ARHGAP10: variants seen among roughly 807,000 people sequenced by gnomAD.
ARHGAP10 encodes the protein rho GTPase-activating protein 10.
Under a neutral mutation model 108.6 loss-of-function variants are expected in ARHGAP10, and 87 were observed. The observed-to-expected ratio is 0.80, with a 90% CI of 0.67 to 0.96. The LOEUF (loss-of-function observed/expected upper bound fraction) is 0.96, where lower values mean the gene tolerates loss of function less well. Among genes scored for constraint, ARHGAP10 ranks in the 40% least tolerant of loss-of-function variants. ARHGAP10 has a pLI of 0.00. For missense variants in ARHGAP10, 939 were observed against 954.5 expected (o/e 0.98, Z 0.21); for synonymous variants, 347 against 341.1 (o/e 1.02, Z -0.19).
intron 16 of ARHGAP10, among the ~76,000 whole-genome samples, chr4:147,960,964 T>G (rs1440447463): frequency 6.6e-6 from 1 of 152,208 alleles, no homozygotes; most frequent in South Asian, 2.1e-4. Context: ...TTAATGGACA[T>G]TTGGGTTGTT....
At chr4:147,739,983 G>C in intron 1 of ARHGAP10, among the ~76,000 whole-genome samples, 1 of 150,958 alleles carries the variant, frequency 6.6e-6, no homozygotes, top group African/African-American at 2.4e-5. Context: ...TGATCCAGCT[G>C]CCTCGGCCTC....
chr4:147,766,458 C>T (rs1341962759), intron 1 of ARHGAP10, among the ~76,000 whole-genome samples: 4 of 151,608 alleles, frequency 2.6e-5, no homozygotes, highest in South Asian at 2.1e-4. Flanking sequence ...TGTAAGCAAC[C>T]ATCAGTTTTT....
intron 15 of ARHGAP10, among the ~76,000 whole-genome samples, chr4:147,953,501 A>G (rs1195634574): frequency 1.3e-5 from 2 of 152,008 alleles, no homozygotes; most frequent in Non-Finnish European, 2.9e-5. Flanking sequence ...CTTTTCAGAC[A>G]TTTGTCCATT....
intron 1 of ARHGAP10, among the ~76,000 whole-genome samples, chr4:147,778,531 C>T (rs2126726935): frequency 6.6e-6 from 1 of 152,222 alleles, no homozygotes; most frequent in East Asian, 1.9e-4. Flanking sequence ...AGCCCTTTTT[C>T]ATATTTCAGT....
intron 4 of ARHGAP10, among the ~76,000 whole-genome samples, chr4:147,856,941 C>T (rs568708069): frequency 7.9e-5 from 12 of 152,198 alleles, no homozygotes; most frequent in Non-Finnish European, 1.8e-4. Flanking sequence ...CAACCTCCGC[C>T]TCTGGGGTTC....
At position 147,933,859 on chromosome 4, in the gene ARHGAP10, G is replaced by A. The variant is rs1028946755; in HGVS notation, c.1229-5966G>A. Among the ~76,000 whole-genome samples the A allele has an allele frequency of 2.6e-4, 39 of 152,170 alleles. 1 individual carries two copies. Among genetic ancestry groups the A allele is most frequent in the African/African-American group, 8.2e-4 (34 of 41,434 alleles). The stretch of plus-strand genomic sequence containing the variant: ...GGCTGGAGAGCCAGGCTCTTTGGGT[G>A]TATGTCTCATAGTAGGTCTCAACAT... On this transcript the variant is annotated intron_variant, in intron 13 of 22. Transcript: ENST00000336498.
At chr4:147,927,254 C>T (rs1737500007) in intron 13 of ARHGAP10, among the ~76,000 whole-genome samples, 1 of 152,146 alleles carries the variant, frequency 6.6e-6, no homozygotes. Flanking sequence ...TTAAGTATCA[C>T]CCACTGAAAG....
chr4:147,829,307 C>T (rs935933422), intron 3 of ARHGAP10, among the ~76,000 whole-genome samples: 21 of 152,002 alleles, frequency 1.4e-4, no homozygotes, highest in Admixed American at 1.3e-3. Flanking sequence ...CTGCCTCGAC[C>T]CCCCCATCGT....
chr4:147,871,975 T>C (rs538349154), intron 7 of ARHGAP10, among the ~76,000 whole-genome samples: 50 of 151,846 alleles, frequency 3.3e-4, no homozygotes, highest in African/African-American at 1.1e-3. Flanking sequence ...TGGTGGCACA[T>C]GTGAGTAGTC....
intron 19 of ARHGAP10, among the ~76,000 whole-genome samples, chr4:148,034,373 G>A (rs997535155): frequency 1.3e-5 from 2 of 152,038 alleles, no homozygotes; most frequent in Non-Finnish European, 2.9e-5. Context: ...GCTAGAGTGC[G>A]ATGGCGCGAT....
chr4:147,805,058 T>G (rs1731727634), intron 1 of ARHGAP10, among the ~76,000 whole-genome samples: 1 of 152,214 alleles, frequency 6.6e-6, no homozygotes, highest in Non-Finnish European at 1.5e-5. Context: ...AGGTCCTCTA[T>G]CCAGAATGGT....
chr4:148,032,373 T>C (rs563575138), intron 19 of ARHGAP10, among the ~76,000 whole-genome samples: 5 of 120,852 alleles, frequency 4.1e-5, no homozygotes, highest in Non-Finnish European at 8.1e-5. Flanking sequence ...GTTGTAATCA[T>C]TGAGAATTTC....
At chr4:148,018,666 T>A (rs1284557646) in intron 18 of ARHGAP10, among the ~76,000 whole-genome samples, 2 of 152,020 alleles carry the variant, frequency 1.3e-5, no homozygotes, top group Admixed American at 1.3e-4. Context: ...TAGAAGGGGA[T>A]GGTGAATTTA....
intron 3 of ARHGAP10, among the ~76,000 whole-genome samples, chr4:147,840,636 C>T (rs1275080224): frequency 6.6e-6 from 1 of 152,170 alleles, no homozygotes; most frequent in Non-Finnish European, 1.5e-5. Context: ...GTTAAACTTT[C>T]AGTTAAGAGA....
intron 7 of ARHGAP10, among the ~76,000 whole-genome samples, chr4:147,869,835 T>C (rs568845841): frequency 2.0e-5 from 3 of 152,242 alleles, no homozygotes; most frequent in South Asian, 4.1e-4. Context: ...CAAGCACTTA[T>C]GAAAAGCAGG....
At chr4:147,767,836 G>A (rs1042487055) in intron 1 of ARHGAP10, among the ~76,000 whole-genome samples, 1 of 152,180 alleles carries the variant, frequency 6.6e-6, no homozygotes, top group African/African-American at 2.4e-5. Flanking sequence ...GGCAGTGGAG[G>A]ACCAGTGAAT....
intron 10 of ARHGAP10, among the ~76,000 whole-genome samples, chr4:147,903,018 A>G (rs750589190): frequency 2.0e-5 from 3 of 152,154 alleles, no homozygotes; most frequent in Admixed American, 6.5e-5. Context: ...GTCTACCCCT[A>G]TGATCAAGTC....
intron 1 of ARHGAP10, among the ~76,000 whole-genome samples, chr4:147,764,168 T>A (rs573050821): frequency 4.5e-4 from 68 of 152,258 alleles, no homozygotes; most frequent in African/African-American, 1.5e-3. Context: ...GTATAAAGCT[T>A]GTGAGAAAGC....
At chr4:147,875,756 CT>C (rs1489472555) in intron 8 of ARHGAP10, among the ~76,000 whole-genome samples, 2 of 152,156 alleles carry the variant, frequency 1.3e-5, no homozygotes, top group Non-Finnish European at 2.9e-5. Flanking sequence ...AACTTGTAGG[CT>C]TTTTAGTCTT....
Sources: allele counts gnomAD v4.1 joint callset (sites outside exome capture counted in the v4.1 genomes callset), GRCh38; gene constraint gnomAD v4.1.1; transcripts MANE v1.5; gene names NCBI Gene and HGNC (gene_info 2026-07-23, HGNC 2026-07-21).